USP26: variants seen among roughly 807,000 people sequenced by gnomAD.
USP26 encodes ubiquitin carboxyl-terminal hydrolase 26.
For missense variants in USP26, 649 were observed against 642.3 expected (o/e 1.01, Z -0.11); for synonymous variants, 236 against 240.6 (o/e 0.98, Z 0.18).
At chrX:133,031,923 G>C (rs1377461309) in intron 5 of USP26, among the ~76,000 whole-genome samples, 1 of 111,277 alleles carries the variant, frequency 9.0e-6, no homozygotes, top group African/African-American at 3.3e-5. Context: ...GAGGCAGATG[G>C]ATCACCTCAG....
chrX:133,027,876 A>G lies in USP26; in HGVS notation c.345T>C (p.Gly115=). Residue 115 remains glycine, a synonymous_variant, in exon 6 of 6, where the codon GGT becomes GGC. Coordinates refer to ENST00000511190, the MANE Select transcript of USP26 (RefSeq NM_031907.3). ...GTGTTGTGCTAGAAAAGACACTCCCACCCTTACCAGGTCTCACAGGTGGCT... is the reference window on the plus strand; with the variant it reads ...GTGTTGTGCTAGAAAAGACACTCCCGCCCTTACCAGGTCTCACAGGTGGCT... The part of the protein sequence containing the change: ...EVQPPVRPGK[G]GSVFSSTTQK... 8.3e-7 allele frequency: 1 copy of G among 1,208,340 alleles called. No individual in the cohort carries two copies. The highest frequency in any genetic ancestry group is 1.1e-6 in the Non-Finnish European group (1 of 893,521).
chrX:133,093,316 A>T (rs754677059), intron 1 of USP26, among the ~76,000 whole-genome samples: 2 of 111,394 alleles, frequency 1.8e-5, no homozygotes, highest in East Asian at 5.7e-4. Context: ...AAAATTAAAT[A>T]AACATTTTAA....
chrX:133,089,800 G>A (rs2148538412), intron 4 of USP26, among the ~76,000 whole-genome samples: 1 of 112,020 alleles, frequency 8.9e-6, no homozygotes, highest in Non-Finnish European at 1.9e-5. Flanking sequence ...GGAAAACTGA[G>A]GCCCAAAGAG....
intron 1 of USP26, among the ~76,000 whole-genome samples, chrX:133,096,047 ATTTTTTTTTTTTTTTT>A (rs779131148): frequency 2.7e-4 from 10 of 36,536 alleles, no homozygotes; most frequent in Non-Finnish European, 4.4e-4. Flanking sequence ...GCCCGGCCTA[ATTTTTTTTTTTTTTTT>A]TTTTTTTTTT....
chrX:133,032,040 T>C (rs2067378787), intron 5 of USP26, among the ~76,000 whole-genome samples: 1 of 111,048 alleles, frequency 9.0e-6, no homozygotes, highest in Non-Finnish European at 1.9e-5. Flanking sequence ...ATCCAGCTAC[T>C]CGGGAGGCTG....
chrX:133,085,515 T>C (rs2067585717), intron 4 of USP26, among the ~76,000 whole-genome samples: 1 of 112,017 alleles, frequency 8.9e-6, no homozygotes, highest in Non-Finnish European at 1.9e-5. Context: ...GAACTGCAAC[T>C]GTTCCTACAA....
chrX:133,038,713 T>A lies in USP26; in HGVS notation c.-76-10417A>T, dbSNP rs140365863. On this transcript the variant is annotated intron_variant, in intron 5 of 5. Coordinates refer to ENST00000511190, the MANE Select transcript of USP26 (RefSeq NM_031907.3). The stretch of plus-strand genomic sequence containing the variant: ...GGGAGTAGTCCCTCTTTTTCTATTG[T>A]TTGGAATAGTTTCAGAAGGAATGAT... Among the ~76,000 whole-genome samples the A allele has an allele frequency of 3.7e-3, 413 of 112,213 alleles. 2 individuals are homozygous for A. Among genetic ancestry groups the A allele is most frequent in the Non-Finnish European group, 5.7e-3 (305 of 53,225 alleles).
intron 5 of USP26, among the ~76,000 whole-genome samples, chrX:133,049,805 T>G (rs747955704): frequency 1.8e-5 from 2 of 112,076 alleles, no homozygotes; most frequent in Non-Finnish European, 3.8e-5. Context: ...TGATGTTTAC[T>G]CCTCTGAAAT....
chrX:133,095,784 G>A (rs904348921), intron 1 of USP26, among the ~76,000 whole-genome samples: 11 of 111,308 alleles, frequency 9.9e-5, no homozygotes, highest in African/African-American at 3.3e-4. Context: ...TCACTGTGTC[G>A]CCCAGGCTAG....
chrX:133,030,443 G>C (rs1351592015), intron 5 of USP26, among the ~76,000 whole-genome samples: 1 of 112,258 alleles, frequency 8.9e-6, no homozygotes, highest in Non-Finnish European at 1.9e-5. Context: ...TCTACTCTAT[G>C]CTGTCTGCAT....
intron 5 of USP26, among the ~76,000 whole-genome samples, chrX:133,067,933 T>C (rs2067517682): frequency 9.0e-6 from 1 of 111,459 alleles, no homozygotes; most frequent in African/African-American, 3.3e-5. Flanking sequence ...ATTAAAAAAA[T>C]AGATAAAGAA....
chrX:133,029,292 T>C (rs1471093812), intron 5 of USP26, among the ~76,000 whole-genome samples: 3 of 112,699 alleles, frequency 2.7e-5, no homozygotes, highest in Non-Finnish European at 5.6e-5. Flanking sequence ...TGAATAATAC[T>C]GAAGGAAACT....
rs555515614 is a variant in USP26 at position 133,090,642 on chromosome X, C to T, written c.-256+76G>A. ...GCAATGGTGAAATCAAGTTCAGACA[C>T]AGGATCTCCACATGTTTGAAACAAA... On this transcript the variant is annotated intron_variant, in intron 3 of 5. Transcript: ENST00000511190. 2.7e-5 allele frequency: 3 copies of T among 112,195 alleles called. No homozygotes were observed. In the East Asian group the frequency reaches 8.4e-4, roughly 31 times the overall value. 9.2% of individuals were successfully genotyped at this position (112,195 alleles called of 1,213,427 possible).
chrX:133,079,277 C>T (rs1443784635), intron 5 of USP26, among the ~76,000 whole-genome samples: 3 of 111,744 alleles, frequency 2.7e-5, no homozygotes, highest in Non-Finnish European at 5.6e-5. Flanking sequence ...CAGATTATTC[C>T]GGTGGCATTT....
intron 5 of USP26, among the ~76,000 whole-genome samples, chrX:133,037,730 T>C (rs756004621): frequency 1.6e-3 from 177 of 112,229 alleles, no homozygotes; most frequent in Admixed American, 2.3e-3. Flanking sequence ...GGTAGCTTGA[T>C]GGGAATAGCA....
rs2067602115 is a variant in USP26 at position 133,090,145 on chromosome X, G to A, written c.-174C>T. The stretch of plus-strand genomic sequence containing the variant: ...CCCAGTTAGGAGGCTGAGGTGGGAG[G>A]ATCACTTGAGTTCAGGAGGTCAAGG... On this transcript the variant is annotated 5_prime_UTR_variant, in exon 4 of 6. Transcript: ENST00000511190. 2.7e-5 allele frequency: 3 copies of A among 110,991 alleles called. No homozygotes were observed. The highest frequency in any genetic ancestry group is 5.7e-5 in the Non-Finnish European group (3 of 53,018). The allele number at this position is 110,991 out of a possible 1,213,427, so 9.1% of individuals were successfully genotyped here.
In USP26 at chrX:133,077,575, T is replaced by C. The variant is rs767939524; in HGVS notation, c.-77+6132A>G. 5.4e-5 allele frequency among the ~76,000 whole-genome samples: 6 copies of C among 112,094 alleles called. No homozygotes were observed. The East Asian group carries it at 1.7e-3, about 32-fold the overall frequency. On this transcript the variant is annotated intron_variant, in intron 5 of 5. Transcript: ENST00000511190. ...CTCAGGTTGGCCAGATGAGTTTTGC[T>C]TCTAGTGTTGCACTCAGCATGTTAG...
intron 5 of USP26, among the ~76,000 whole-genome samples, chrX:133,063,094 ACAGCCGAAT>A (rs897475561): frequency 2.2e-4 from 25 of 111,312 alleles, no homozygotes; most frequent in Admixed American, 4.8e-4. Flanking sequence ...ACAAGTATCA[ACAGCCGAAT>A]CGATCAAGTG....
At chrX:133,077,440 T>A (rs1018420004) in intron 5 of USP26, among the ~76,000 whole-genome samples, 1 of 111,925 alleles carries the variant, frequency 8.9e-6, no homozygotes, top group East Asian at 2.8e-4. Flanking sequence ...ATGTAGCTTG[T>A]AGCTGCAGCT....
Sources: gnomAD v4.1 joint callset for allele counts (sites outside exome capture counted in the v4.1 genomes callset) on GRCh38, gnomAD v4.1.1 for gene constraint, MANE v1.5 for transcripts, NCBI Gene and HGNC (gene_info 2026-07-23, HGNC 2026-07-21) for gene names.